The following VPS54 variants were observed in gnomAD, a reference collection of about 807,000 sequenced individuals.
VPS54 encodes the protein vacuolar protein sorting-associated protein 54.
VPS54 carries 45 observed loss-of-function variants against 121.5 expected under a neutral mutation model. That is an observed-to-expected ratio of 0.37 (90% CI 0.29 to 0.47). The LOEUF (loss-of-function observed/expected upper bound fraction) is 0.47. Among genes scored for constraint, VPS54 ranks in the 20% least tolerant of loss-of-function variants. VPS54 has a pLI of 0.99. For missense variants in VPS54, 1,090 were observed against 1,131.4 expected (o/e 0.96, Z 0.52); for synonymous variants, 371 against 385.8 (o/e 0.96, Z 0.45).
intron 7 of VPS54, among the ~76,000 whole-genome samples, chr2:63,959,152 C>T (rs900189398): frequency 6.6e-6 from 1 of 152,032 alleles, no homozygotes; most frequent in Non-Finnish European, 1.5e-5. Flanking sequence ...ATCTGTGAAA[C>T]TATATAAGAA....
chr2:63,916,573 A>C (rs1331227515), intron 16 of VPS54, among the ~76,000 whole-genome samples: 1 of 152,160 alleles, frequency 6.6e-6, no homozygotes, highest in Admixed American at 6.5e-5. Flanking sequence ...AAGCAACAGA[A>C]GAAAAGATAG....
chr2:63,939,273 G>A (rs1282741606), intron 11 of VPS54, among the ~76,000 whole-genome samples: 1 of 152,026 alleles, frequency 6.6e-6, no homozygotes, highest in African/African-American at 2.4e-5. Flanking sequence ...TCAGGTGGCT[G>A]AGGCAAGATA....
chr2:63,947,352 CA>C lies in VPS54; in HGVS notation c.1245+30del, dbSNP rs752052013. ...AATAAACTTCACAAAGGTTCCAGACCAAAATATGTCAAATAAAAATGCATAA... is the reference window on the plus strand; with the variant it reads ...AATAAACTTCACAAAGGTTCCAGACCAAATATGTCAAATAAAAATGCATAA... On this transcript the variant is annotated intron_variant, in intron 9 of 22. Coordinates refer to ENST00000272322, the MANE Select transcript of VPS54 (RefSeq NM_016516.3). 6.0e-6 allele frequency: 9 copies of C among 1,500,146 alleles called. No homozygotes were observed. In the South Asian group the frequency reaches 1.1e-4, roughly 18 times the overall value. 92.9% of individuals were successfully genotyped at this position (1,500,146 alleles called of 1,614,324 possible).
chr2:63,918,986 T>G (rs765794581), intron 15 of VPS54, among the ~76,000 whole-genome samples: 10 of 152,120 alleles, frequency 6.6e-5, no homozygotes, highest in Admixed American at 5.9e-4. Context: ...TCTTGTAGTC[T>G]AGTTGCATTT....
chr2:63,982,322 C>G (rs1676836208), intron 2 of VPS54, among the ~76,000 whole-genome samples: 2 of 151,720 alleles, frequency 1.3e-5, no homozygotes, highest in Admixed American at 6.6e-5. Flanking sequence ...GATAAAATAT[C>G]CTTTGGCTTA....
intron 12 of VPS54, among the ~76,000 whole-genome samples, chr2:63,921,936 C>T (rs1289365746): frequency 3.9e-5 from 6 of 152,170 alleles, no homozygotes; most frequent in Admixed American, 6.5e-5. Flanking sequence ...TGTCAGGGGA[C>T]AGTTGTGCAT....
chr2:63,899,676 A>G, intron 20 of VPS54, 95 bp from the exon 21 acceptor site: 1 of 988,764 alleles, frequency 1.0e-6, no homozygotes, highest in East Asian at 2.5e-5. Flanking sequence ...GTCCCTCCAC[A>G]TATCCAATTC....
intron 3 of VPS54, among the ~76,000 whole-genome samples, chr2:63,980,297 G>A (rs1676748789): frequency 6.6e-6 from 1 of 151,964 alleles, no homozygotes; most frequent in Non-Finnish European, 1.5e-5. Flanking sequence ...GTTAAGCATG[G>A]TATATATTTT....
chr2:63,904,340 G>A (rs1475646199), intron 20 of VPS54, among the ~76,000 whole-genome samples: 1 of 148,178 alleles, frequency 6.7e-6, no homozygotes. Context: ...TCAGGAGGCT[G>A]AGGCAGGAGA....
intron 1 of VPS54, among the ~76,000 whole-genome samples, chr2:63,988,553 T>C (rs1677162759): frequency 6.6e-6 from 1 of 152,242 alleles, no homozygotes; most frequent in South Asian, 2.1e-4. Context: ...AAATTAATAC[T>C]TTTATAATTT....
intron 11 of VPS54, among the ~76,000 whole-genome samples, chr2:63,936,091 C>G (rs549645351): frequency 6.6e-6 from 1 of 152,104 alleles, no homozygotes; most frequent in Non-Finnish European, 1.5e-5. Flanking sequence ...TAGTCTTGGA[C>G]TTTTCTTTAA....
Position 63,972,246 on chromosome 2 carries a change from T to C in VPS54, c.379-2A>G. The C allele has an allele frequency of 6.3e-7, 1 of 1,581,200 alleles. No individual in the cohort carries two copies. The highest frequency in any genetic ancestry group is 8.6e-7 in the Non-Finnish European group (1 of 1,157,412). On this transcript the variant is annotated splice_acceptor_variant, in intron 3 of 22. Transcript: ENST00000272322. LOFTEE classifies it high-confidence loss of function. Reference sequence around the variant, plus strand: ...GCATCTCTCATGAATCTTCTCTCTCTAATAAAAAGACAAATAACATCATCA... The same window carrying C: ...GCATCTCTCATGAATCTTCTCTCTCCAATAAAAAGACAAATAACATCATCA...
At chr2:63,902,437 C>T (rs1411158533) in intron 20 of VPS54, among the ~76,000 whole-genome samples, 1 of 152,178 alleles carries the variant, frequency 6.6e-6, no homozygotes, top group African/African-American at 2.4e-5. Context: ...TATTGAATAA[C>T]TTGATTCAAA....
At chr2:63,945,359 A>G (rs1575941703) in intron 9 of VPS54, among the ~76,000 whole-genome samples, 1 of 152,208 alleles carries the variant, frequency 6.6e-6, no homozygotes, top group African/African-American at 2.4e-5. Flanking sequence ...ACAGACACAT[A>G]GAGGGGAACA....
intron 15 of VPS54, among the ~76,000 whole-genome samples, chr2:63,918,665 T>C (rs1043472249): frequency 2.0e-5 from 3 of 151,986 alleles, no homozygotes; most frequent in South Asian, 2.1e-4. Flanking sequence ...TTTATACTTG[T>C]CCTTAACCCT....
At chr2:63,893,984 C>T (rs1357626690) in intron 22 of VPS54, among the ~76,000 whole-genome samples, 2 of 151,910 alleles carry the variant, frequency 1.3e-5, no homozygotes, top group Non-Finnish European at 2.9e-5. Context: ...TGTATATAAG[C>T]GATACTGGAT....
intron 1 of VPS54, among the ~76,000 whole-genome samples, chr2:63,997,841 C>G (rs998504702): frequency 4.6e-5 from 7 of 151,902 alleles, no homozygotes; most frequent in Admixed American, 3.3e-4. Flanking sequence ...TAGCTATAAA[C>G]TTTCCTCTTT....
intron 1 of VPS54, among the ~76,000 whole-genome samples, chr2:63,991,358 A>G (rs1677308037): frequency 1.3e-5 from 2 of 152,216 alleles, no homozygotes; most frequent in South Asian, 4.1e-4. Flanking sequence ...TAAAATGGCC[A>G]TGCATTCCAT....
intron 22 of VPS54, among the ~76,000 whole-genome samples, chr2:63,895,234 T>A (rs1284882163): frequency 6.6e-6 from 1 of 152,148 alleles, no homozygotes; most frequent in African/African-American, 2.4e-5. Flanking sequence ...GGCAGGCAGA[T>A]CACCTGAGGT....
Sources: allele counts gnomAD v4.1 joint callset (sites outside exome capture counted in the v4.1 genomes callset), GRCh38; gene constraint gnomAD v4.1.1; transcripts MANE v1.5; gene names NCBI Gene and HGNC (gene_info 2026-07-23, HGNC 2026-07-21).